THOC2: variants seen among roughly 807,000 people sequenced by gnomAD.
The protein encoded by THOC2 is THO complex subunit 2.
In THOC2, 10 loss-of-function variants were observed where a neutral mutation model predicts 128.4. The observed-to-expected ratio is 0.08, with a 90% CI of 0.05 to 0.13. THOC2 has a LOEUF of 0.13. Ranked by LOEUF, THOC2 falls within the 10% of genes least tolerant of loss-of-function variation. The pLI, the probability that THOC2 is intolerant of heterozygous loss-of-function variation, is 1.00. For synonymous variants in THOC2, 393 were observed against 396.9 expected (o/e 0.99, Z 0.12); for missense variants, 535 against 1,155.7 (o/e 0.46, Z 7.79).
intron 32 of THOC2, 76 bp from the exon 33 acceptor site, chrX:123,619,512 T>C: frequency 8.7e-7 from 1 of 1,151,702 alleles, no homozygotes; most frequent in Non-Finnish European, 1.2e-6. Context: ...GAAGTATGGC[T>C]GTAACCTGGA....
rs775992952 is a variant in THOC2 at position 123,686,643 on chromosome X, C to A, written c.673G>T (p.Asp225Tyr). The change falls in exon 8 of 39, where the codon GAT becomes TAT. Residue 225 changes from aspartate to tyrosine, a missense_variant. Asp to Tyr is a radical substitution (Grantham distance 160). Transcript: ENST00000245838. ...LEVFECRPEH[D>Y]DFFISLLESY... ...TCTAACAAAGATATAAAGAAGTCAT[C>A]GTGTTCTGGCCTGCATTCAAACACT... The A allele has an allele frequency of 8.3e-7, 1 of 1,205,613 alleles. No individual in the cohort carries two copies. The highest frequency in any genetic ancestry group is 1.8e-5 in the African/African-American group (1 of 57,116).
chrX:123,627,762 G>A lies in THOC2; in HGVS notation c.2688C>T (p.His896=). Residue 896 remains histidine (H), a synonymous_variant, in exon 23 of 39, where the codon CAC becomes CAT. Coordinates refer to ENST00000245838, the MANE Select transcript of THOC2 (RefSeq NM_001081550.2). Reference sequence around the variant, plus strand: ...TATTGACTTCTCGTTCATAGCTGGTGTGTGGAACTGCAAGGTCATACATTG... The same window carrying A: ...TATTGACTTCTCGTTCATAGCTGGTATGTGGAACTGCAAGGTCATACATTG... The part of the protein sequence containing the change: ...SLTMYDLAVP[H]TSYEREVNKL... 8.3e-7 allele frequency: 1 copy of A among 1,210,711 alleles called. No homozygotes were observed. The highest frequency in any genetic ancestry group is 1.8e-5 in the South Asian group (1 of 56,967).
chrX:123,729,346 C>G (rs773630701), intron 1 of THOC2, among the ~76,000 whole-genome samples: 1 of 111,816 alleles, frequency 8.9e-6, no homozygotes, highest in Non-Finnish European at 1.9e-5. Flanking sequence ...AGGCAAAATA[C>G]AGTTTTACTT....
intron 12 of THOC2, among the ~76,000 whole-genome samples, chrX:123,664,192 A>G (rs1479539386): frequency 8.9e-6 from 1 of 112,302 alleles, no homozygotes; most frequent in Non-Finnish European, 1.9e-5. Context: ...AGGAATCGCC[A>G]CACTGTCTTC....
chrX:123,627,274 C>T (rs2047303822), intron 23 of THOC2, among the ~76,000 whole-genome samples: 1 of 111,564 alleles, frequency 9.0e-6, no homozygotes, highest in Non-Finnish European at 1.9e-5. Context: ...CCTCAATCTA[C>T]TTCCTGTCTT....
intron 1 of THOC2, among the ~76,000 whole-genome samples, chrX:123,723,968 T>C (rs2051825054): frequency 9.0e-6 from 1 of 111,712 alleles, no homozygotes; most frequent in Non-Finnish European, 1.9e-5. Context: ...TATTTTAAGC[T>C]CTATATTGAG....
At chrX:123,618,704 A>G (rs897527010) in intron 33 of THOC2, among the ~76,000 whole-genome samples, 2 of 112,150 alleles carry the variant, frequency 1.8e-5, no homozygotes, top group Non-Finnish European at 1.9e-5. Flanking sequence ...TGAACAATGG[A>G]CAATTCAAGT....
At chrX:123,656,431 G>A (rs1394442984) in intron 12 of THOC2, among the ~76,000 whole-genome samples, 2 of 110,306 alleles carry the variant, frequency 1.8e-5, no homozygotes, top group African/African-American at 6.6e-5. Context: ...GTGACTGGCT[G>A]GGTACGGTGT....
intron 2 of THOC2, among the ~76,000 whole-genome samples, chrX:123,708,140 C>A (rs2051015941): frequency 9.0e-6 from 1 of 111,217 alleles, no homozygotes; most frequent in Non-Finnish European, 1.9e-5. Context: ...CCTGCTATGA[C>A]TCCTAGCCAC....
chrX:123,660,263 G>A (rs899818208), intron 12 of THOC2, among the ~76,000 whole-genome samples: 2 of 111,311 alleles, frequency 1.8e-5, no homozygotes, highest in South Asian at 7.6e-4. Context: ...GTGTATCTTG[G>A]TAATAATATT....
At chrX:123,720,914 G>A (rs1603342247) in intron 1 of THOC2, among the ~76,000 whole-genome samples, 1 of 111,152 alleles carries the variant, frequency 9.0e-6, no homozygotes, top group East Asian at 2.8e-4. Flanking sequence ...GCAGGAAGGG[G>A]AAAATGGGGA....
At chrX:123,684,211 T>C (rs1457860975) in intron 8 of THOC2, among the ~76,000 whole-genome samples, 1 of 111,892 alleles carries the variant, frequency 8.9e-6, no homozygotes, top group Non-Finnish European at 1.9e-5. Context: ...TTCACTGTCA[T>C]ATGCTCTCAA....
At chrX:123,648,458 G>A (rs1035968538) in intron 12 of THOC2, among the ~76,000 whole-genome samples, 1 of 111,541 alleles carries the variant, frequency 9.0e-6, no homozygotes, top group Non-Finnish European at 1.9e-5. Flanking sequence ...CACCAGGCGA[G>A]ACAGAACCAT....
intron 9 of THOC2, among the ~76,000 whole-genome samples, chrX:123,669,612 G>A (rs746981643): frequency 6.3e-5 from 7 of 111,485 alleles, no homozygotes; most frequent in Non-Finnish European, 1.1e-4. Context: ...CACTGCGCCC[G>A]GCCATAGGTC....
At chrX:123,631,548 C>G in intron 22 of THOC2, 140 bp downstream of exon 22, 1 of 611,063 alleles carries the variant, frequency 1.6e-6, no homozygotes, top group South Asian at 2.9e-5. Flanking sequence ...AGCTTCGTAC[C>G]CCTATTGGAA....
chrX:123,624,456 CTCTTT>C, intron 26 of THOC2, 80 bp downstream of exon 26: 1 of 1,000,472 alleles, frequency 1.0e-6, no homozygotes, highest in Non-Finnish European at 1.3e-6. Context: ...AACTCAGCTT[CTCTTT>C]TAAAACTCAA....
At chrX:123,632,709 A>G in intron 21 of THOC2, 152 bp downstream of exon 21, 1 of 427,556 alleles carries the variant, frequency 2.3e-6, no homozygotes, top group Non-Finnish European at 4.0e-6. Flanking sequence ...CAATTTACAT[A>G]GAAATAGGCC....
chrX:123,652,760 C>G (rs1389162059), intron 12 of THOC2, among the ~76,000 whole-genome samples: 3 of 111,453 alleles, frequency 2.7e-5, no homozygotes, highest in Non-Finnish European at 5.7e-5. Context: ...AACTACTGCT[C>G]AAGGAAATAA....
intron 12 of THOC2, among the ~76,000 whole-genome samples, chrX:123,658,880 G>C (rs892147270): frequency 8.9e-6 from 1 of 111,787 alleles, no homozygotes; most frequent in Non-Finnish European, 1.9e-5. Context: ...GGGAGATGTT[G>C]ATTACAAGGG....
Sources: gnomAD v4.1 joint callset for allele counts (sites outside exome capture counted in the v4.1 genomes callset) on GRCh38, gnomAD v4.1.1 for gene constraint, MANE v1.5 for transcripts, NCBI Gene and HGNC (gene_info 2026-07-23, HGNC 2026-07-21) for gene names.